Variants in GPC6 observed in about 807,000 individuals in gnomAD.
GPC6 encodes glypican 6, also known as glypican-6.
GPC6 carries 14 observed loss-of-function variants against 55.2 expected under a neutral mutation model. That is an observed-to-expected ratio of 0.25 (90% CI 0.17 to 0.40). The LOEUF is 0.40. Ranked by LOEUF, GPC6 falls within the 10% of genes least tolerant of loss-of-function variation. The pLI is 1.00. For synonymous variants in GPC6, 278 were observed against 259.6 expected (o/e 1.07, Z -0.68); for missense variants, 641 against 708.5 (o/e 0.90, Z 1.08).
intron 3 of GPC6, among the ~76,000 whole-genome samples, chr13:94,006,819 T>G (rs1882038416): frequency 1.3e-5 from 2 of 152,110 alleles, no homozygotes; most frequent in Admixed American, 6.6e-5. Flanking sequence ...TTAAAGGAGA[T>G]TAAATATATT....
At chr13:93,525,022 G>A (rs1027371755) in intron 1 of GPC6, among the ~76,000 whole-genome samples, 2 of 152,144 alleles carry the variant, frequency 1.3e-5, no homozygotes, top group South Asian at 2.1e-4. Flanking sequence ...GTATTTGGTC[G>A]TTGACTCTAA....
intron 3 of GPC6, among the ~76,000 whole-genome samples, chr13:93,898,940 A>AATAAATATATATATAT: frequency 7.3e-6 from 1 of 136,664 alleles, no homozygotes; most frequent in Admixed American, 7.6e-5. Flanking sequence ...ATTATATATA[A>AATAAATATATATATAT]ATATATATAT....
intron 6 of GPC6, among the ~76,000 whole-genome samples, chr13:94,336,797 A>T (rs968530690): frequency 3.9e-5 from 6 of 152,236 alleles, no homozygotes; most frequent in Admixed American, 1.3e-4. Flanking sequence ...GAAGGAAAAA[A>T]AAATCATTTG....
intron 2 of GPC6, among the ~76,000 whole-genome samples, chr13:93,546,325 G>A (rs950297197): frequency 1.3e-4 from 20 of 152,274 alleles, no homozygotes; most frequent in Admixed American, 2.0e-4. Context: ...TTTAGGAAAG[G>A]TTGGCCAAAG....
chr13:93,627,036 G>A (rs2139565697), intron 2 of GPC6, among the ~76,000 whole-genome samples: 1 of 152,052 alleles, frequency 6.6e-6, no homozygotes, highest in African/African-American at 2.4e-5. Flanking sequence ...TTAAGTTCTG[G>A]GGTACATGTG....
At chr13:93,504,793 GC>G (rs1176347228) in intron 1 of GPC6, among the ~76,000 whole-genome samples, 1 of 152,032 alleles carries the variant, frequency 6.6e-6, no homozygotes, top group Non-Finnish European at 1.5e-5. Flanking sequence ...CCATTCACAT[GC>G]CAAAGAAATT....
At chr13:94,184,832 G>C (rs1375740490) in intron 4 of GPC6, among the ~76,000 whole-genome samples, 1 of 152,104 alleles carries the variant, frequency 6.6e-6, no homozygotes, top group Non-Finnish European at 1.5e-5. Flanking sequence ...TCAAAAAAAT[G>C]CATACACTCA....
At chr13:93,720,932 T>C (rs111548423) in intron 2 of GPC6, among the ~76,000 whole-genome samples, 13 of 151,264 alleles carry the variant, frequency 8.6e-5, no homozygotes, top group African/African-American at 2.9e-4. Context: ...TCTGAGAGAC[T>C]GTTATGATTT....
chr13:93,337,881 T>C (rs1215255507), intron 1 of GPC6, among the ~76,000 whole-genome samples: 2 of 152,210 alleles, frequency 1.3e-5, no homozygotes, highest in Non-Finnish European at 2.9e-5. Flanking sequence ...GTTTTCCCTC[T>C]TTTTCTTCAT....
intron 1 of GPC6, among the ~76,000 whole-genome samples, chr13:93,300,781 A>T (rs1293035828): frequency 2.0e-5 from 3 of 152,050 alleles, no homozygotes; most frequent in African/African-American, 4.8e-5. Context: ...GCACTTTGGG[A>T]GGCCAACGCA....
At chr13:93,256,231 T>G (rs1425906424) in intron 1 of GPC6, among the ~76,000 whole-genome samples, 1 of 151,768 alleles carries the variant, frequency 6.6e-6, no homozygotes, top group African/African-American at 2.4e-5. Flanking sequence ...CAATTATGTT[T>G]CCTAATTTCT....
intron 4 of GPC6, among the ~76,000 whole-genome samples, chr13:94,183,750 C>T (rs1669610225): frequency 6.6e-6 from 1 of 152,172 alleles, no homozygotes; most frequent in Non-Finnish European, 1.5e-5. Context: ...TTCTTCCCTG[C>T]ATTATAGCCA....
chr13:93,388,279 G>A (rs1193717499), intron 1 of GPC6, among the ~76,000 whole-genome samples: 2 of 152,188 alleles, frequency 1.3e-5, no homozygotes, highest in African/African-American at 4.8e-5. Context: ...TTTATCAGCT[G>A]TTAATCCAGT....
chr13:94,067,578 TATAGATAG>T (rs5805846), intron 4 of GPC6, among the ~76,000 whole-genome samples: 12,761 of 147,618 alleles, frequency 0.086, 707 homozygotes, highest in African/African-American at 0.16. Context: ...ATAGATAGAT[TATAGATAG>T]ATAGATAGAT....
chr13:94,378,874 C>A (rs528625444), intron 6 of GPC6, among the ~76,000 whole-genome samples: 6 of 152,234 alleles, frequency 3.9e-5, no homozygotes, highest in Admixed American at 1.3e-4. Context: ...AATAGCTCAT[C>A]CAGGAATCAG....
intron 2 of GPC6, among the ~76,000 whole-genome samples, chr13:93,704,865 C>T (rs565973710): frequency 2.0e-5 from 3 of 152,024 alleles, no homozygotes; most frequent in African/African-American, 7.2e-5. Context: ...CTTGTAATGA[C>T]GTGATGCTGG....
At chr13:93,484,993 A>T (rs984408017) in intron 1 of GPC6, among the ~76,000 whole-genome samples, 2 of 152,198 alleles carry the variant, frequency 1.3e-5, no homozygotes, top group African/African-American at 4.8e-5. Context: ...TATAGTTTCC[A>T]AGTCAGGAAT....
At chr13:94,335,096 G>A (rs1334445119) in intron 6 of GPC6, among the ~76,000 whole-genome samples, 1 of 152,128 alleles carries the variant, frequency 6.6e-6, no homozygotes, top group African/African-American at 2.4e-5. Flanking sequence ...TTACTACTAA[G>A]CATAATCTAG....
At chr13:93,839,872 T>C (rs1887884750) in intron 3 of GPC6, among the ~76,000 whole-genome samples, 1 of 152,200 alleles carries the variant, frequency 6.6e-6, no homozygotes, top group Admixed American at 6.5e-5. Context: ...GGTTAGCTAG[T>C]ATTTAGTTAA....
Sources: gnomAD v4.1 joint callset for allele counts (sites outside exome capture counted in the v4.1 genomes callset) on GRCh38, gnomAD v4.1.1 for gene constraint, MANE v1.5 for transcripts, NCBI Gene and HGNC (gene_info 2026-07-23, HGNC 2026-07-21) for gene names.